DISP1: variants seen among roughly 807,000 people sequenced by gnomAD.
DISP1 encodes protein dispatched homolog 1.
DISP1 carries 30 observed loss-of-function variants against 37.3 expected under a neutral mutation model. The ratio of observed to expected loss-of-function variants is 0.80; its 90% CI spans 0.60 to 1.09. DISP1 has a LOEUF of 1.09. DISP1 is among the 50% of genes least tolerant of loss of function. The pLI is 0.00. For missense variants in DISP1, 1,598 were observed against 1,879.5 expected (o/e 0.85, Z 2.77); for synonymous variants, 634 against 690.2 (o/e 0.92, Z 1.28).
chr1:222,975,908 G>T (rs1022880717), intron 3 of DISP1, among the ~76,000 whole-genome samples: 1 of 152,174 alleles, frequency 6.6e-6, no homozygotes, highest in Non-Finnish European at 1.5e-5. Flanking sequence ...TTTCTTGAGT[G>T]GGAGAGAAAG....
At chr1:222,825,080 G>T (rs1485485619) in intron 1 of DISP1, among the ~76,000 whole-genome samples, 1 of 151,216 alleles carries the variant, frequency 6.6e-6, no homozygotes, top group Non-Finnish European at 1.5e-5. Context: ...GCCTGTTCAG[G>T]TGATGCTGAG....
chr1:222,844,055 GTCTTTGTA>G (rs1335080836), intron 1 of DISP1, among the ~76,000 whole-genome samples: 1 of 144,892 alleles, frequency 6.9e-6, no homozygotes, highest in Non-Finnish European at 1.6e-5. Context: ...GTATTCTCCA[GTCTTTGTA>G]TTTTTAAAAC....
rs147703043 is a variant in DISP1 at position 222,992,923 on chromosome 1, G to A, written c.889+813G>A. Among the ~76,000 whole-genome samples, 835 of 144,418 alleles carry A rather than the reference G, an allele frequency of 5.8e-3. 4 individuals carry two copies. Among genetic ancestry groups the A allele is most frequent in the Non-Finnish European group, 0.01 (673 of 66,968 alleles). The allele number at this position is 144,418 out of a possible 152,430, so 94.7% of individuals were successfully genotyped here. ...GTTGCCCAGGCTGGAGTACAATGGCGCAATCTTGTCTTACCACAACCTCCA... is the reference window on the plus strand; with the variant it reads ...GTTGCCCAGGCTGGAGTACAATGGCACAATCTTGTCTTACCACAACCTCCA... On this transcript the variant is annotated intron_variant, in intron 7 of 8. Transcript: ENST00000675850.
intron 1 of DISP1, among the ~76,000 whole-genome samples, chr1:222,821,544 G>A (rs925958274): frequency 3.3e-5 from 5 of 152,088 alleles, no homozygotes; most frequent in Non-Finnish European, 7.4e-5. Flanking sequence ...TGGTGTTCTC[G>A]TGATAGTGAA....
At position 222,914,557 on chromosome 1, in the gene DISP1, T is replaced by G. The variant is rs1445176497; in HGVS notation, c.-158-13873T>G. ...CTGTGAGAATAGGCACTGCAAATAC[T>G]ATTATGAATATGAGACCATTATCCT... On this transcript the variant is annotated intron_variant, in intron 1 of 8. Coordinates refer to ENST00000675850, the MANE Select transcript of DISP1 (RefSeq NM_001377229.1). Among the ~76,000 whole-genome samples the G allele has an allele frequency of 3.3e-5, 5 of 152,296 alleles. No individual in the cohort carries two copies. In the East Asian group the frequency reaches 9.7e-4, roughly 29 times the overall value.
At chr1:222,855,538 A>G (rs1422163367) in intron 1 of DISP1, among the ~76,000 whole-genome samples, 1 of 152,182 alleles carries the variant, frequency 6.6e-6, no homozygotes, top group Non-Finnish European at 1.5e-5. Flanking sequence ...TCGTTATTAT[A>G]TACTAGCAGA....
intron 3 of DISP1, among the ~76,000 whole-genome samples, chr1:222,972,240 A>T (rs1261371747): frequency 2.6e-5 from 4 of 152,256 alleles, no homozygotes; most frequent in South Asian, 4.1e-4. Context: ...TTATGACAAT[A>T]GATGCTTATA....
chr1:222,988,284 C>T (rs1678420196), intron 4 of DISP1, among the ~76,000 whole-genome samples: 1 of 152,106 alleles, frequency 6.6e-6, no homozygotes, highest in Non-Finnish European at 1.5e-5. Context: ...TTTTGGGAAA[C>T]AGACATTTGT....
At chr1:222,940,049 C>T (rs1409075197) in intron 2 of DISP1, among the ~76,000 whole-genome samples, 2 of 151,614 alleles carry the variant, frequency 1.3e-5, no homozygotes, top group East Asian at 3.9e-4. Context: ...TGGCATGAAC[C>T]TGGGAGGTGG....
intron 1 of DISP1, among the ~76,000 whole-genome samples, chr1:222,878,811 T>C (rs955965759): frequency 9.8e-5 from 15 of 152,290 alleles, no homozygotes; most frequent in Non-Finnish European, 2.9e-5. Flanking sequence ...CCTTCAAATA[T>C]TCATTTTAAT....
chr1:222,954,279 T>G lies in DISP1; in HGVS notation c.509+10947T>G, dbSNP rs183743232. Among the ~76,000 whole-genome samples, 3 of 152,306 alleles carry G rather than the reference T, an allele frequency of 2.0e-5. No homozygotes were observed. The East Asian group carries it at 5.8e-4, about 29-fold the overall frequency. On this transcript the variant is annotated intron_variant, in intron 3 of 8. Transcript: ENST00000675850. ...ATAGAACTTAACATTTAAAGGACAA[T>G]TTTGATTGCTGTAATATTCTGTGTT...
At chr1:222,991,730 A>G in intron 6 of DISP1, 83 bp downstream of exon 6, 1 of 1,436,480 alleles carries the variant, frequency 7.0e-7, no homozygotes, top group South Asian at 1.3e-5. Flanking sequence ...TAAACAAAAA[A>G]TTTAAATGTA....
At chr1:222,867,282 A>C (rs1299820413) in intron 1 of DISP1, among the ~76,000 whole-genome samples, 8 of 152,162 alleles carry the variant, frequency 5.3e-5, no homozygotes, top group African/African-American at 9.7e-5. Context: ...AAGATATGTA[A>C]TAATTGGAAC....
intron 3 of DISP1, 128 bp downstream of exon 3, chr1:222,943,460 C>G (rs929254402): frequency 7.6e-7 from 1 of 1,320,446 alleles, no homozygotes. Flanking sequence ...AACGCATATT[C>G]TGTGGATTGT....
chr1:222,937,018 TTA>T (rs954592724), intron 2 of DISP1, among the ~76,000 whole-genome samples: 2 of 112,962 alleles, frequency 1.8e-5, no homozygotes, highest in African/African-American at 6.9e-5. Flanking sequence ...ATATTATATA[TTA>T]TATATTACAT....
chr1:222,926,472 C>T (rs1673090592), intron 1 of DISP1, among the ~76,000 whole-genome samples: 1 of 152,146 alleles, frequency 6.6e-6, no homozygotes, highest in South Asian at 2.1e-4. Flanking sequence ...GAAGTCACTG[C>T]AAACACTGAA....
chr1:222,816,286 A>T (rs1283824757), intron 1 of DISP1, among the ~76,000 whole-genome samples: 3 of 152,116 alleles, frequency 2.0e-5, no homozygotes, highest in Non-Finnish European at 4.4e-5. Context: ...ATTGGATGTG[A>T]TTAATATGTG....
intron 3 of DISP1, among the ~76,000 whole-genome samples, chr1:222,971,347 C>T (rs1676938342): frequency 6.6e-6 from 1 of 151,842 alleles, no homozygotes; most frequent in African/African-American, 2.4e-5. Context: ...GTATTGGTTA[C>T]ACCGTTGGAG....
intron 1 of DISP1, among the ~76,000 whole-genome samples, chr1:222,874,798 G>A (rs985017915): frequency 3.9e-5 from 6 of 152,148 alleles, no homozygotes; most frequent in South Asian, 2.1e-4. Context: ...TCCGTTGCTG[G>A]TGAGGAGCTG....
Sources: gnomAD v4.1 joint callset for allele counts (sites outside exome capture counted in the v4.1 genomes callset) on GRCh38, gnomAD v4.1.1 for gene constraint, MANE v1.5 for transcripts, NCBI Gene and HGNC (gene_info 2026-07-23, HGNC 2026-07-21) for gene names.